The following PRKAR2A variants were observed in gnomAD, a reference collection of about 807,000 sequenced individuals.
The protein encoded by PRKAR2A is protein kinase cAMP-dependent type II regulatory subunit alpha, also known as cAMP-dependent protein kinase type II-alpha regulatory subunit.
A neutral mutation model predicts 51.9 loss-of-function variants in PRKAR2A; 29 were observed. The ratio of observed to expected loss-of-function variants is 0.56; its 90% confidence interval spans 0.42 to 0.76. The LOEUF (loss-of-function observed/expected upper bound fraction) is 0.76, where lower values mean the gene tolerates loss of function less well. Among genes scored for constraint, PRKAR2A ranks in the 30% least tolerant of loss-of-function variants. The pLI, the probability that PRKAR2A is intolerant of heterozygous loss-of-function variation, is 0.00. For synonymous variants in PRKAR2A, 178 were observed against 186.2 expected (o/e 0.96, Z 0.36); for missense variants, 445 against 512.1 (o/e 0.87, Z 1.26).
Position 48,847,348 on chromosome 3 carries a change from G to C in PRKAR2A, c.249C>G (p.Asp83Glu), listed in dbSNP as rs2083483297. The C allele has an allele frequency of 6.2e-7, 1 of 1,613,378 alleles. No homozygotes were observed. Among genetic ancestry groups the C allele is most frequent in the South Asian group, 1.1e-5 (1 of 91,046 alleles). The change falls in exon 1 of 11, where the codon GAC (aspartate) becomes GAG (glutamate). Residue 83 changes from aspartate to glutamate, a missense_variant. Coordinates refer to ENST00000265563, the MANE Select transcript of PRKAR2A (RefSeq NM_004157.4). This position sits in a 1 kb window ranked among gnomAD's most constrained non-coding sequence, Gnocchi z 4.4. ...DAKGDSESEE[D>E]EDLEVPVPSR... is the part of the protein sequence containing the mutation. The stretch of plus-strand genomic sequence containing the variant: ...CCCACAGCCTACCTTCCAAGTCCTC[G>C]TCCTCCTCCGACTCGCTGTCCCCTT...
Position 48,790,501 on chromosome 3 carries a change from T to G in PRKAR2A, c.435+43A>C, listed in dbSNP as rs1463375542. On this transcript the variant is annotated intron_variant, in intron 4 of 10. Transcript: ENST00000265563. ...TTTAAGTGACAAATAGGAGCAAAGC[T>G]AAAAGATCATTATAATAAAAATACT... 14 of 1,398,926 alleles carry G rather than the reference T, an allele frequency of 1.0e-5. No individual in the cohort carries two copies. The Admixed American group carries it at 3.5e-4, about 35-fold the overall frequency. 86.7% of individuals were successfully genotyped at this position (1,398,926 alleles called of 1,614,324 possible). A position where few individuals can be genotyped will look rare whatever the true frequency, so the allele number is the denominator to read the frequency against.
At chr3:48,788,745 AG>A (rs944623767) in intron 4 of PRKAR2A, among the ~76,000 whole-genome samples, 1 of 152,124 alleles carries the variant, frequency 6.6e-6, no homozygotes, top group Non-Finnish European at 1.5e-5. Context: ...TCTACGAACC[AG>A]GAAGTGGGCT....
intron 2 of PRKAR2A, among the ~76,000 whole-genome samples, chr3:48,800,633 C>T (rs1013734680): frequency 6.6e-6 from 1 of 151,824 alleles, no homozygotes. Context: ...TGTAGAGGGA[C>T]TGTTTTGCTA....
intron 4 of PRKAR2A, among the ~76,000 whole-genome samples, chr3:48,787,175 T>C (rs2082307855): frequency 6.6e-6 from 1 of 151,574 alleles, no homozygotes; most frequent in Admixed American, 6.6e-5. Context: ...TTTATTTATT[T>C]ATTTATTTAT....
At chr3:48,836,173 A>T (rs1371492976) in intron 1 of PRKAR2A, among the ~76,000 whole-genome samples, 7 of 151,926 alleles carry the variant, frequency 4.6e-5, no homozygotes, top group Admixed American at 4.6e-4. Context: ...TAATCCCAGC[A>T]CTCTGGGAGG....
chr3:48,804,318 A>AG (rs1160466624), intron 2 of PRKAR2A, among the ~76,000 whole-genome samples: 1 of 151,986 alleles, frequency 6.6e-6, no homozygotes, highest in African/African-American at 2.4e-5. Context: ...AAAATTAGCC[A>AG]GGCATGGTAG....
intron 3 of PRKAR2A, among the ~76,000 whole-genome samples, chr3:48,790,962 G>C (rs909370537): frequency 1.3e-5 from 2 of 151,960 alleles, no homozygotes; most frequent in Non-Finnish European, 2.9e-5. Context: ...AAAAGAAAAA[G>C]TACATCTTTT....
At chr3:48,803,427 G>A (rs1397365923) in intron 2 of PRKAR2A, among the ~76,000 whole-genome samples, 2 of 151,942 alleles carry the variant, frequency 1.3e-5, no homozygotes, top group African/African-American at 4.8e-5. Flanking sequence ...TTATTTATTT[G>A]TTTATTTGTT....
At chr3:48,818,087 G>C (rs1343910429) in intron 1 of PRKAR2A, among the ~76,000 whole-genome samples, 1 of 152,086 alleles carries the variant, frequency 6.6e-6, no homozygotes, top group Non-Finnish European at 1.5e-5. Flanking sequence ...ACAGCCAAAA[G>C]GTACCATCTA....
intron 1 of PRKAR2A, among the ~76,000 whole-genome samples, chr3:48,815,879 C>T (rs2082866532): frequency 2.7e-5 from 4 of 150,634 alleles, no homozygotes; most frequent in Non-Finnish European, 5.9e-5. Context: ...ATTAGCTGGG[C>T]GTGGTGGCAC....
At chr3:48,792,455 C>CTTTTTTT (rs983032500) in intron 3 of PRKAR2A, among the ~76,000 whole-genome samples, 8 of 66,826 alleles carry the variant, frequency 1.2e-4, no homozygotes, top group East Asian at 5.6e-4. Flanking sequence ...AAGGTTTAAT[C>CTTTTTTT]TTTTTTTTTT....
At chr3:48,819,181 A>G (rs1230760405) in intron 1 of PRKAR2A, among the ~76,000 whole-genome samples, 1 of 152,016 alleles carries the variant, frequency 6.6e-6, no homozygotes, top group African/African-American at 2.4e-5. Context: ...ACACCTGGCT[A>G]ATTTTTGTAT....
At chr3:48,824,529 C>A (rs2083024906) in intron 1 of PRKAR2A, among the ~76,000 whole-genome samples, 3 of 144,706 alleles carry the variant, frequency 2.1e-5, no homozygotes, top group African/African-American at 7.7e-5. Flanking sequence ...CAAACCTGTA[C>A]ATTCCAAAAT....
chr3:48,786,117 G>GT (rs2082286807), intron 4 of PRKAR2A, among the ~76,000 whole-genome samples: 1 of 150,612 alleles, frequency 6.6e-6, no homozygotes, highest in African/African-American at 2.4e-5. Flanking sequence ...GCAGTTTTTT[G>GT]GTTTTTTTTT....
At chr3:48,768,967 G>T (rs1457079216) in intron 6 of PRKAR2A, among the ~76,000 whole-genome samples, 1 of 150,982 alleles carries the variant, frequency 6.6e-6, no homozygotes, top group African/African-American at 2.4e-5. Flanking sequence ...AGTACTGTTG[G>T]CACATGCCTA....
chr3:48,811,379 G>A (rs2082767635), intron 1 of PRKAR2A, among the ~76,000 whole-genome samples: 1 of 152,156 alleles, frequency 6.6e-6, no homozygotes, highest in South Asian at 2.1e-4. Flanking sequence ...AGATGCTGAG[G>A]TGGGAGGATG....
chr3:48,795,992 T>G (rs1435803438), intron 2 of PRKAR2A, among the ~76,000 whole-genome samples: 1 of 152,204 alleles, frequency 6.6e-6, no homozygotes, highest in Non-Finnish European at 1.5e-5. Context: ...TCTCACCCCA[T>G]GTGTTATTTG....
chr3:48,791,673 G>A (rs1400251096), intron 3 of PRKAR2A, among the ~76,000 whole-genome samples: 3 of 147,782 alleles, frequency 2.0e-5, no homozygotes, highest in East Asian at 2.0e-4. Flanking sequence ...TTGAGAGGCC[G>A]AGGTGGGTGG....
At chr3:48,776,492 CAG>C (rs2082106984) in intron 5 of PRKAR2A, among the ~76,000 whole-genome samples, 1 of 152,022 alleles carries the variant, frequency 6.6e-6, no homozygotes, top group Non-Finnish European at 1.5e-5. Flanking sequence ...AATATAATGA[CAG>C]AGGCTAGGCA....
Sources: gnomAD v4.1 joint callset for allele counts (sites outside exome capture counted in the v4.1 genomes callset) on GRCh38, gnomAD v4.1.1 for gene constraint, Gnocchi (gnomAD v3.1) non-coding constraint, MANE v1.5 for transcripts, NCBI Gene and HGNC (gene_info 2026-07-23, HGNC 2026-07-21) for gene names.